The following HMGN5 variants were observed in gnomAD, a reference collection of about 807,000 sequenced individuals.
HMGN5 encodes the protein high mobility group nucleosome binding domain 5, also known as high mobility group nucleosome-binding domain-containing protein 5.
In HMGN5, 4 loss-of-function variants were observed where a neutral mutation model predicts 9.5. That is an observed-to-expected ratio of 0.42 (90% confidence interval 0.21 to 0.96). HMGN5 has a LOEUF of 0.96. Ranked by LOEUF, HMGN5 falls within the 40% of genes least tolerant of loss-of-function variation. HMGN5 has a pLI of 0.30. For synonymous variants in HMGN5, 55 were observed against 57.1 expected (o/e 0.96, Z 0.16); for missense variants, 192 against 187.5 (o/e 1.02, Z -0.14).
At chrX:81,194,524 A>G in intron 1 of HMGN5, among the ~76,000 whole-genome samples, 2 of 112,212 alleles carry the variant, frequency 1.8e-5, no homozygotes, top group South Asian at 7.3e-4. Flanking sequence ...TAATCAGTGA[A>G]ATGTAAATTA....
chrX:81,146,048 T>C (rs2075342624), intron 1 of HMGN5, among the ~76,000 whole-genome samples: 1 of 110,796 alleles, frequency 9.0e-6, no homozygotes, highest in African/African-American at 3.3e-5. Context: ...CACACAATAG[T>C]AGTGAGAGAC....
At chrX:81,160,185 T>C (rs925371897) in intron 1 of HMGN5, among the ~76,000 whole-genome samples, 1 of 111,453 alleles carries the variant, frequency 9.0e-6, no homozygotes, top group Admixed American at 9.6e-5. Context: ...TTAGGATTTG[T>C]TGGGTGTTTC....
At chrX:81,199,941 A>C (rs887718915) in intron 1 of HMGN5, among the ~76,000 whole-genome samples, 1 of 112,097 alleles carries the variant, frequency 8.9e-6, no homozygotes, top group East Asian at 2.8e-4. Flanking sequence ...TGAACAGGCA[A>C]CCTACAGAAT....
Position 81,197,056 on chromosome X carries a change from A to T in HMGN5, c.-124+4681T>A, listed in dbSNP as rs5959082. Among the ~76,000 whole-genome samples, 185 of 112,456 alleles carry T rather than the reference A, an allele frequency of 1.6e-3. 1 individual carries two copies. Among genetic ancestry groups the T allele is most frequent in the African/African-American group, 5.6e-3 (173 of 30,981 alleles). ...GTATTTCTTTATAGCAGTGTGAAACAGACTAATACACACCACTTCACAGTG... is the reference window on the plus strand; with the variant it reads ...GTATTTCTTTATAGCAGTGTGAAACTGACTAATACACACCACTTCACAGTG... On this transcript the variant is annotated intron_variant, in intron 1 of 6. Coordinates refer to ENST00000358130, the MANE Select transcript of HMGN5 (RefSeq NM_030763.3).
chrX:81,132,926 T>C (rs1290678513), intron 1 of HMGN5, among the ~76,000 whole-genome samples: 1 of 111,143 alleles, frequency 9.0e-6, no homozygotes, highest in Non-Finnish European at 1.9e-5. Flanking sequence ...ACAGACAACC[T>C]ACAGAATGGG....
chrX:81,119,266 C>T (rs2075262351), intron 3 of HMGN5, among the ~76,000 whole-genome samples: 1 of 111,547 alleles, frequency 9.0e-6, no homozygotes, highest in African/African-American at 3.3e-5. Flanking sequence ...TAAAGGTAAA[C>T]TGAGAGGTTT....
At chrX:81,158,179 C>G (rs761800378) in intron 1 of HMGN5, among the ~76,000 whole-genome samples, 2 of 112,042 alleles carry the variant, frequency 1.8e-5, no homozygotes, top group African/African-American at 3.2e-5. Flanking sequence ...ACCAATAGTT[C>G]TATAATTGCT....
chrX:81,130,505 T>C (rs776616076), intron 1 of HMGN5, among the ~76,000 whole-genome samples: 90 of 111,643 alleles, frequency 8.1e-4, no homozygotes, highest in African/African-American at 2.8e-3. Context: ...CTTTATTTCT[T>C]TTCAGTAATT....
rs918295322 is a variant in HMGN5, at chrX:81,118,303, G to A, written c.129+129C>T. The A allele has an allele frequency of 2.3e-5, 9 of 389,742 alleles. No homozygotes were observed. The Admixed American group carries it at 3.8e-4, about 16-fold the overall frequency. The allele number at this position is 389,742 out of a possible 1,213,427, so 32.1% of individuals were successfully genotyped here. ...CCCAAGGGGTTTACATGTATCATATGATAGAATATAATATATTACTAACTG... is the reference window on the plus strand; with the variant it reads ...CCCAAGGGGTTTACATGTATCATATAATAGAATATAATATATTACTAACTG... On this transcript the variant is annotated intron_variant, in intron 5 of 6. Transcript: ENST00000358130.
In HMGN5 at chrX:81,146,141, C is replaced by T. The variant is rs193015983; in HGVS notation, c.-123-24469G>A. Among the ~76,000 whole-genome samples, 362 of 111,425 alleles carry T rather than the reference C, an allele frequency of 3.2e-3. 2 individuals carry two copies. Among genetic ancestry groups the T allele is most frequent in the Middle Eastern group, 0.018 (4 of 217 alleles). ...TCCAGGATGTGAACTCAGCTCTGGACCAAGTGGACCTAAAAGACATCTACA... is the reference window on the plus strand; with the variant it reads ...TCCAGGATGTGAACTCAGCTCTGGATCAAGTGGACCTAAAAGACATCTACA... On this transcript the variant is annotated intron_variant, in intron 1 of 6. Transcript: ENST00000358130.
At chrX:81,200,486 A>T (rs1236638820) in intron 1 of HMGN5, among the ~76,000 whole-genome samples, 1 of 112,518 alleles carries the variant, frequency 8.9e-6, no homozygotes, top group African/African-American at 3.2e-5. Flanking sequence ...GACTGGATTA[A>T]GAAAATGTGG....
intron 1 of HMGN5, among the ~76,000 whole-genome samples, chrX:81,137,369 T>A (rs890327071): frequency 8.9e-6 from 1 of 111,784 alleles, no homozygotes; most frequent in African/African-American, 3.2e-5. Flanking sequence ...ATTGAAATGA[T>A]ACAGATATGT....
At chrX:81,198,331 TC>T (rs2075515120) in intron 1 of HMGN5, among the ~76,000 whole-genome samples, 1 of 111,174 alleles carries the variant, frequency 9.0e-6, no homozygotes, top group Non-Finnish European at 1.9e-5. Context: ...CTTTCACTCT[TC>T]CAGGCAGTGA....
At chrX:81,123,408 T>A (rs1026433946) in intron 1 of HMGN5, among the ~76,000 whole-genome samples, 1 of 111,640 alleles carries the variant, frequency 9.0e-6, no homozygotes, top group African/African-American at 3.3e-5. Flanking sequence ...GTTATTGGGA[T>A]AATCCCTAGA....
chrX:81,133,833 A>T (rs1045978287), intron 1 of HMGN5, among the ~76,000 whole-genome samples: 2 of 111,552 alleles, frequency 1.8e-5, no homozygotes, highest in African/African-American at 6.5e-5. Flanking sequence ...TATGTAACAA[A>T]CCTGCACCTG....
chrX:81,187,133 T>G (rs1263727671), intron 1 of HMGN5, among the ~76,000 whole-genome samples: 6 of 112,032 alleles, frequency 5.4e-5, no homozygotes, highest in Non-Finnish European at 1.1e-4. Context: ...GGTCTATCCT[T>G]GAGAATGATC....
chrX:81,172,514 T>C (rs377481168), intron 1 of HMGN5, among the ~76,000 whole-genome samples: 2 of 108,347 alleles, frequency 1.8e-5, no homozygotes, highest in African/African-American at 6.7e-5. Context: ...AAAGAGATTG[T>C]TGTTATGTAC....
At chrX:81,165,421 C>T (rs768194967) in intron 1 of HMGN5, among the ~76,000 whole-genome samples, 15 of 110,701 alleles carry the variant, frequency 1.4e-4, no homozygotes, top group Non-Finnish European at 2.6e-4. Flanking sequence ...TTAGCCTTTT[C>T]GAGTCCCAGA....
chrX:81,174,447 T>C (rs2075435577), intron 1 of HMGN5, among the ~76,000 whole-genome samples: 1 of 111,559 alleles, frequency 9.0e-6, no homozygotes, highest in Non-Finnish European at 1.9e-5. Flanking sequence ...TTTGTTTATA[T>C]AGTTATTCAT....
Sources: allele counts gnomAD v4.1 joint callset (sites outside exome capture counted in the v4.1 genomes callset), GRCh38; gene constraint gnomAD v4.1.1; transcripts MANE v1.5; gene names NCBI Gene and HGNC (gene_info 2026-07-23, HGNC 2026-07-21).